CD44: variants seen among roughly 807,000 people sequenced by gnomAD.
CD44 encodes CD44 molecule (IN blood group), also known as CD44 antigen.
A neutral mutation model predicts 88.8 loss-of-function variants in CD44; 49 were observed. That is an observed-to-expected ratio of 0.55 (90% CI 0.44 to 0.70). CD44 has a LOEUF of 0.70. Ranked by LOEUF, CD44 falls within the 30% of genes least tolerant of loss-of-function variation. The pLI, the probability that CD44 is intolerant of heterozygous loss-of-function variation, is 0.00. For missense variants in CD44, 883 were observed against 913.8 expected, an observed-to-expected ratio of 0.97 and a Z score of 0.43; for synonymous variants, 325 against 312.3, an observed-to-expected ratio of 1.04 and a Z score of -0.43.
intron 17 of CD44, chr11:35,222,763 A>C (rs1949409412): frequency 2.0e-6 from 2 of 982,482 alleles, no homozygotes; most frequent in Admixed American, 1.2e-4. Context: ...CCAGGACGTA[A>C]TTCATAGGAA....
chr11:35,181,936 ATT>A (rs1234142972), intron 3 of CD44, among the ~76,000 whole-genome samples: 1 of 61,374 alleles, frequency 1.6e-5, no homozygotes, highest in African/African-American at 6.8e-5. Context: ...TTATATATAA[ATT>A]ATATATAATA....
chr11:35,173,777 A>G (rs779544146), intron 1 of CD44, among the ~76,000 whole-genome samples: 41 of 152,344 alleles, frequency 2.7e-4, no homozygotes, highest in African/African-American at 9.4e-4. Context: ...GTGGTTGCCC[A>G]TACAATTCAA....
intron 11 of CD44, among the ~76,000 whole-genome samples, 153 bp from the exon 12 acceptor site, chr11:35,207,952 A>G (rs759789294): frequency 6.6e-6 from 1 of 152,212 alleles, no homozygotes. Flanking sequence ...TGATGAAACA[A>G]TAATCTATCT....
At chr11:35,172,045 A>C (rs1435682441) in intron 1 of CD44, among the ~76,000 whole-genome samples, 2 of 151,946 alleles carry the variant, frequency 1.3e-5, no homozygotes, top group Non-Finnish European at 2.9e-5. Flanking sequence ...TTCTGAAAAC[A>C]CTCTCATAAT....
At chr11:35,220,058 A>G (rs1949161599) in intron 16 of CD44, among the ~76,000 whole-genome samples, 1 of 152,198 alleles carries the variant, frequency 6.6e-6, no homozygotes, top group South Asian at 2.1e-4. Flanking sequence ...GGGTTCTCCT[A>G]AGGTTGTAAA....
At chr11:35,169,492 A>T (rs1287422880) in intron 1 of CD44, among the ~76,000 whole-genome samples, 1 of 152,016 alleles carries the variant, frequency 6.6e-6, no homozygotes, top group Non-Finnish European at 1.5e-5. Context: ...GGATGTATTG[A>T]CCAGCTCCTG....
At position 35,176,698 on chromosome 11, in the gene CD44, C is replaced by T. The variant is rs760222232; in HGVS notation, c.191C>T (p.Ala64Val). Residue 64 changes from alanine to valine, a missense_variant, in exon 2 of 18, where the codon GCC becomes GTC. Ala to Val is a moderately conservative substitution (Grantham distance 64). Around this residue, in one of 2 missense-constraint regions of CD44, gnomAD observed 252 missense variants for 322.9 expected, o/e 0.78. Transcript: ENST00000428726. ...TTCAATAGCACCTTGCCCACAATGG[C>T]CCAGATGGAGAAAGCTCTGAGCATC... ...KAFNSTLPTM[A>V]QMEKALSIGF... 2 of 1,614,088 alleles carry T rather than the reference C, an allele frequency of 1.2e-6. No homozygotes were observed. The highest frequency in any genetic ancestry group is 1.3e-5 in the African/African-American group (1 of 75,024).
intron 14 of CD44, among the ~76,000 whole-genome samples, chr11:35,213,408 G>T (rs1337837705): frequency 6.6e-6 from 1 of 152,124 alleles, no homozygotes; most frequent in Admixed American, 6.5e-5. Context: ...AAGAACTAAA[G>T]CATTTGTTGA....
intron 11 of CD44, among the ~76,000 whole-genome samples, chr11:35,207,550 T>C (rs1310332325): frequency 1.3e-5 from 2 of 152,230 alleles, no homozygotes; most frequent in Non-Finnish European, 2.9e-5. Flanking sequence ...GAAGAATAAT[T>C]CAATGACGTC....
intron 1 of CD44, among the ~76,000 whole-genome samples, chr11:35,176,164 T>A (rs1229206718): frequency 6.6e-6 from 1 of 150,470 alleles, no homozygotes; most frequent in African/African-American, 2.4e-5. Context: ...TGCCTCAGCC[T>A]CCGGAGCAGC....
intron 17 of CD44, chr11:35,222,601 A>ATGTG: frequency 2.1e-6 from 1 of 484,528 alleles, no homozygotes; most frequent in Non-Finnish European, 2.6e-6. Flanking sequence ...TATATATAAT[A>ATGTG]TATATATATA....
rs1008032995 is a variant in CD44, at chr11:35,199,940, T to G, written c.923-1142T>G. Among the ~76,000 whole-genome samples the G allele has an allele frequency of 3.3e-3, 214 of 65,306 alleles. 2 individuals are homozygous for G. Among genetic ancestry groups the G allele is most frequent in the African/African-American group, 7.2e-3 (209 of 28,950 alleles). The allele number at this position is 65,306 out of a possible 152,430, so 42.8% of individuals were successfully genotyped here. ...AAAAATTTCCCATGGTGTTGTTTTT[T>G]TTTTTTTTTTTTTTTTTTTTTAATT... On this transcript the variant is annotated intron_variant, in intron 7 of 17. Coordinates refer to ENST00000428726, the MANE Select transcript of CD44 (RefSeq NM_000610.4).
intron 5 of CD44, among the ~76,000 whole-genome samples, chr11:35,195,968 C>A (rs750021382): frequency 3.3e-5 from 5 of 152,226 alleles, no homozygotes; most frequent in Admixed American, 3.3e-4. Flanking sequence ...ACTTCTATGT[C>A]ATTTTCCCTG....
At chr11:35,150,370 T>C (rs1187350581) in intron 1 of CD44, among the ~76,000 whole-genome samples, 1 of 152,136 alleles carries the variant, frequency 6.6e-6, no homozygotes, top group Admixed American at 6.5e-5. Flanking sequence ...GCCTGAGAGA[T>C]GGTGAATTTC....
chr11:35,139,562 A>G (rs1372128582), intron 1 of CD44, 192 bp downstream of exon 1: 6 of 768,506 alleles, frequency 7.8e-6, no homozygotes, highest in Non-Finnish European at 1.2e-5. Flanking sequence ...TGGAAGCACC[A>G]TTTGGTTGAA....
At chr11:35,205,081 A>G (rs1164673696) in intron 10 of CD44, among the ~76,000 whole-genome samples, 2 of 152,218 alleles carry the variant, frequency 1.3e-5, no homozygotes, top group African/African-American at 4.8e-5. Flanking sequence ...GCCAGACATT[A>G]TGTGAAAAGT....
At chr11:35,196,089 G>A (rs1292935813) in intron 5 of CD44, among the ~76,000 whole-genome samples, 2 of 152,150 alleles carry the variant, frequency 1.3e-5, no homozygotes, top group Non-Finnish European at 2.9e-5. Flanking sequence ...AAGGAGCTAG[G>A]ACTCTGAAGA....
At chr11:35,229,102 G>A (rs771506680) in intron 17 of CD44, 27 bp from the exon 18 acceptor site, 1 of 1,579,998 alleles carries the variant, frequency 6.3e-7, no homozygotes, top group Non-Finnish European at 8.7e-7. Flanking sequence ...CAATCTTTCT[G>A]ATATGGTACA....
At chr11:35,221,054 C>T (rs748717263) in intron 16 of CD44, among the ~76,000 whole-genome samples, 2 of 152,146 alleles carry the variant, frequency 1.3e-5, no homozygotes, top group Non-Finnish European at 2.9e-5. Flanking sequence ...CCACCGCACC[C>T]GGCCTTTCCT....
Sources: allele counts gnomAD v4.1 joint callset (sites outside exome capture counted in the v4.1 genomes callset), GRCh38; gene constraint gnomAD v4.1.1; regional missense constraint gnomAD v4.1.1; transcripts MANE v1.5; gene names NCBI Gene and HGNC (gene_info 2026-07-23, HGNC 2026-07-21).